The following SGCZ variants were observed in gnomAD, a reference collection of about 807,000 sequenced individuals.
SGCZ encodes zeta-sarcoglycan.
Under a neutral mutation model 41.3 loss-of-function variants are expected in SGCZ, and 40 were observed. The observed-to-expected ratio is 0.97, with a 90% CI of 0.75 to 1.26. The LOEUF is 1.26. SGCZ is among the 50% of genes most tolerant of loss of function. The pLI is 0.00. For missense variants in SGCZ, 552 were observed against 369.8 expected (o/e 1.49, Z -4.04); for synonymous variants, 206 against 137.5 (o/e 1.50, Z -3.49).
At chr8:14,298,707 T>C (rs1431518856) in intron 3 of SGCZ, among the ~76,000 whole-genome samples, 1 of 152,038 alleles carries the variant, frequency 6.6e-6, no homozygotes, top group Non-Finnish European at 1.5e-5. Flanking sequence ...CATGGATAAA[T>C]GTAATATGTC....
At chr8:14,154,023 G>C (rs1052504409) in intron 5 of SGCZ, among the ~76,000 whole-genome samples, 2 of 152,032 alleles carry the variant, frequency 1.3e-5, no homozygotes, top group Admixed American at 1.3e-4. Context: ...CTTTATCAGA[G>C]CCTGACCATG....
At chr8:15,028,392 T>G (rs909160623) in intron 1 of SGCZ, among the ~76,000 whole-genome samples, 2 of 151,540 alleles carry the variant, frequency 1.3e-5, no homozygotes, top group African/African-American at 2.4e-5. Context: ...AACACTATCG[T>G]CTTTCTAAGT....
intron 7 of SGCZ, among the ~76,000 whole-genome samples, chr8:14,091,942 C>A (rs1444901056): frequency 6.6e-6 from 1 of 151,996 alleles, no homozygotes; most frequent in East Asian, 1.9e-4. Context: ...AGGGTTTTTA[C>A]AGTTTTAGGT....
intron 3 of SGCZ, among the ~76,000 whole-genome samples, chr8:14,249,686 C>A (rs566310510): frequency 6.6e-6 from 1 of 152,132 alleles, no homozygotes; most frequent in Non-Finnish European, 1.5e-5. Context: ...ATAGTCATTA[C>A]TTTGAAGATC....
Position 14,361,155 on chromosome 8 carries a change from T to C in SGCZ, c.235-36951A>G, listed in dbSNP as rs1022549800. Among the ~76,000 whole-genome samples, 11 of 152,342 alleles carry C rather than the reference T, an allele frequency of 7.2e-5. No individual in the cohort carries two copies. The East Asian group carries it at 1.7e-3, about 24-fold the overall frequency. ...GTTTCTTTGTTAAGCTGCTGAGTTTTGAACATTCTTTACATATTCCATTTA... is the reference window on the plus strand; with the variant it reads ...GTTTCTTTGTTAAGCTGCTGAGTTTCGAACATTCTTTACATATTCCATTTA... On this transcript the variant is annotated intron_variant, in intron 2 of 7. Coordinates refer to ENST00000382080, the MANE Select transcript of SGCZ (RefSeq NM_139167.4).
chr8:14,506,104 G>T (rs1475281369), intron 2 of SGCZ, among the ~76,000 whole-genome samples: 4 of 151,952 alleles, frequency 2.6e-5, no homozygotes, highest in Non-Finnish European at 5.9e-5. Context: ...TTGGGAGGCC[G>T]AGGCAGGCGG....
chr8:14,743,049 T>C (rs553482369), intron 1 of SGCZ, among the ~76,000 whole-genome samples: 1 of 152,166 alleles, frequency 6.6e-6, no homozygotes, highest in African/African-American at 2.4e-5. Flanking sequence ...TTAACTCAAA[T>C]ATCATAAAAG....
chr8:15,169,086 T>C (rs1399395758), intron 1 of SGCZ, among the ~76,000 whole-genome samples: 1 of 152,214 alleles, frequency 6.6e-6, no homozygotes, highest in Non-Finnish European at 1.5e-5. Context: ...ACTCTAGTCA[T>C]GCAACCATAG....
chr8:14,486,408 T>C (rs1801676664), intron 2 of SGCZ, among the ~76,000 whole-genome samples: 1 of 152,182 alleles, frequency 6.6e-6, no homozygotes, highest in South Asian at 2.1e-4. Flanking sequence ...AAGAGAGAAA[T>C]ACAGTGCCTT....
intron 2 of SGCZ, among the ~76,000 whole-genome samples, chr8:14,536,538 GA>G (rs911518740): frequency 1.5e-4 from 23 of 150,052 alleles, no homozygotes; most frequent in African/African-American, 3.7e-4. Context: ...AAATTTTAAT[GA>G]AAAAAAAACC....
At chr8:14,104,330 C>T (rs1332010612) in intron 6 of SGCZ, among the ~76,000 whole-genome samples, 2 of 152,034 alleles carry the variant, frequency 1.3e-5, no homozygotes, top group African/African-American at 4.8e-5. Flanking sequence ...GATAGTCCCT[C>T]TACCACCTGG....
At chr8:14,219,281 G>A (rs1267717008) in intron 4 of SGCZ, among the ~76,000 whole-genome samples, 1 of 152,174 alleles carries the variant, frequency 6.6e-6, no homozygotes, top group Admixed American at 6.5e-5. Flanking sequence ...CTGCCTGTCG[G>A]ATCTACTACG....
intron 1 of SGCZ, among the ~76,000 whole-genome samples, chr8:14,721,472 A>G (rs1276419531): frequency 6.6e-6 from 1 of 152,132 alleles, no homozygotes; most frequent in Non-Finnish European, 1.5e-5. Context: ...CCAGTTGCTT[A>G]GGCCAGTATT....
At chr8:14,251,375 C>G (rs563353126) in intron 3 of SGCZ, among the ~76,000 whole-genome samples, 14 of 152,272 alleles carry the variant, frequency 9.2e-5, no homozygotes, top group Non-Finnish European at 1.6e-4. Flanking sequence ...AAGAGACAGA[C>G]AGAAAATCAG....
At chr8:14,104,604 C>G (rs573132219) in intron 6 of SGCZ, among the ~76,000 whole-genome samples, 2 of 152,170 alleles carry the variant, frequency 1.3e-5, no homozygotes, top group East Asian at 3.9e-4. Flanking sequence ...AAAGCAAATA[C>G]CCTACTTTAT....
intron 2 of SGCZ, among the ~76,000 whole-genome samples, chr8:14,356,462 G>A (rs531032664): frequency 1.4e-4 from 21 of 152,150 alleles, no homozygotes; most frequent in Middle Eastern, 3.4e-3. Context: ...ATTAATGAAA[G>A]AGAAATAACA....
At chr8:14,609,728 G>T (rs1007764273) in intron 1 of SGCZ, among the ~76,000 whole-genome samples, 1 of 152,062 alleles carries the variant, frequency 6.6e-6, no homozygotes, top group African/African-American at 2.4e-5. Flanking sequence ...GCTAAATTTG[G>T]TACCTGAGCT....
intron 1 of SGCZ, among the ~76,000 whole-genome samples, chr8:15,081,045 C>A (rs1805729330): frequency 6.6e-6 from 1 of 152,102 alleles, no homozygotes; most frequent in Non-Finnish European, 1.5e-5. Context: ...TGATCTTCGA[C>A]CTCCAGCCTC....
chr8:14,709,887 C>T (rs995082933), intron 1 of SGCZ, among the ~76,000 whole-genome samples: 1 of 152,052 alleles, frequency 6.6e-6, no homozygotes, highest in African/African-American at 2.4e-5. Context: ...CAGGGACTCT[C>T]CTTATTTTAT....
Sources: gnomAD v4.1 joint callset for allele counts (sites outside exome capture counted in the v4.1 genomes callset) on GRCh38, gnomAD v4.1.1 for gene constraint, MANE v1.5 for transcripts, NCBI Gene and HGNC (gene_info 2026-07-23, HGNC 2026-07-21) for gene names.